INPP5D: variants seen among roughly 807,000 people sequenced by gnomAD.
The protein encoded by INPP5D is phosphatidylinositol 3,4,5-trisphosphate 5-phosphatase 1.
INPP5D carries 33 observed loss-of-function variants against 122.9 expected under a neutral mutation model. That is an observed-to-expected ratio of 0.27 (90% CI 0.20 to 0.36). The LOEUF (loss-of-function observed/expected upper bound fraction) is 0.36, where lower values mean the gene tolerates loss of function less well. Ranked by LOEUF, INPP5D falls within the 10% of genes least tolerant of loss-of-function variation. The probability of loss-of-function intolerance (pLI) is 1.00; values close to 1 mark genes in which losing one functional copy is unlikely to be tolerated. For synonymous variants in INPP5D, 584 were observed against 576.2 expected, an observed-to-expected ratio of 1.01 and a Z score of -0.19; for missense variants, 1,053 against 1,412.7, an observed-to-expected ratio of 0.75 and a Z score of 4.08.
intron 18 of INPP5D, among the ~76,000 whole-genome samples, chr2:233,181,281 T>C (rs1055759324): frequency 1.3e-5 from 2 of 152,114 alleles, no homozygotes; most frequent in African/African-American, 4.8e-5. Context: ...GGTTGAAGGG[T>C]GGAGTGTTTA....
intron 1 of INPP5D, among the ~76,000 whole-genome samples, chr2:233,062,065 G>T (rs1463203799): frequency 1.3e-5 from 2 of 152,184 alleles, no homozygotes; most frequent in African/African-American, 4.8e-5. Flanking sequence ...CCCCAGTGGG[G>T]ACCTGCTGCT....
intron 5 of INPP5D, among the ~76,000 whole-genome samples, chr2:233,131,711 C>A (rs1007496140): frequency 1.3e-5 from 2 of 152,022 alleles, no homozygotes; most frequent in African/African-American, 4.8e-5. Context: ...AATAAACAAA[C>A]AAACAAAGGA....
At position 233,170,318 on chromosome 2, in the gene INPP5D, C is replaced by G; in HGVS notation, c.1791+154C>G. Reference sequence around the variant, plus strand: ...CTCAACGCTGTTTCCATTACTGAGCCTCAGCCGCTCCTCACGGTTCCCCTG... The same window carrying G: ...CTCAACGCTGTTTCCATTACTGAGCGTCAGCCGCTCCTCACGGTTCCCCTG... On this transcript the variant is annotated intron_variant, in intron 15 of 26. Transcript: ENST00000445964. This position sits in a 1 kb window ranked among gnomAD's most constrained non-coding sequence, Gnocchi z 4.5. 2 of 1,481,860 alleles carry G rather than the reference C, an allele frequency of 1.3e-6. No individual in the cohort carries two copies. Among genetic ancestry groups the G allele is most frequent in the South Asian group, 2.7e-5 (2 of 73,776 alleles). 91.8% of individuals were successfully genotyped at this position (1,481,860 alleles called of 1,614,324 possible). A position where few individuals can be genotyped will look rare whatever the true frequency, so the allele number is the denominator to read the frequency against.
rs375111690 is a variant in INPP5D at position 233,122,112 on chromosome 2, C to A, written c.204C>A (p.Ser68=). The part of the protein sequence containing the change: ...NEDDKFTVQA[S]EGVSMRFFTK... ...TTTGGATGTTCTGTCCTCAGGCATC[C>A]GAAGGCGTCTCCATGAGGTTCTTCA... The change falls in exon 3 of 27, where the codon TCC becomes TCA. Residue 68 remains serine, a synonymous_variant. Transcript: ENST00000445964. 1.1e-5 allele frequency: 17 copies of A among 1,613,680 alleles called. No homozygotes were observed. The African/African-American group carries it at 1.3e-4, about 13-fold the overall frequency.
chr2:233,112,268 A>G (rs2106244820), intron 2 of INPP5D, among the ~76,000 whole-genome samples: 3 of 152,242 alleles, frequency 2.0e-5, no homozygotes, highest in South Asian at 4.1e-4. Flanking sequence ...TATTTATGTC[A>G]GTACAGACTC....
chr2:233,158,323 C>G lies in INPP5D; in HGVS notation c.1041C>G (p.Leu347=), dbSNP rs36127492. 0.59 allele frequency: 412,416 copies of G among 702,376 alleles called. 127,789 individuals carry two copies. The highest frequency in any genetic ancestry group is 0.98 in the East Asian group (36,584 of 37,252). The allele number at this position is 702,376 out of a possible 1,614,324, so 43.5% of individuals were successfully genotyped here. A position where few individuals can be genotyped will look rare whatever the true frequency, so the allele number is the denominator to read the frequency against. ...TTCTTTTCTCTTAAGTCCTGCAGCT[C>G]ATTAAGTCACAGAAATTTCTGAATA... ...KFYSHKKILQ[L]IKSQKFLNKL... Residue 347 remains leucine, a synonymous_variant, in exon 10 of 27, where the codon CTC becomes CTG. Coordinates refer to ENST00000445964, the MANE Select transcript of INPP5D (RefSeq NM_001017915.3).
At chr2:233,151,059 A>G (rs1461610367) in intron 9 of INPP5D, among the ~76,000 whole-genome samples, 2 of 152,174 alleles carry the variant, frequency 1.3e-5, no homozygotes, top group African/African-American at 4.8e-5. Flanking sequence ...AGAATGCCCA[A>G]GTAAGGATTG....
intron 22 of INPP5D, among the ~76,000 whole-genome samples, chr2:233,192,498 C>T (rs1029498175): frequency 1.3e-5 from 2 of 152,194 alleles, no homozygotes; most frequent in African/African-American, 4.8e-5. Flanking sequence ...ATTTTATACT[C>T]TGCTTCCCTC....
intron 2 of INPP5D, among the ~76,000 whole-genome samples, chr2:233,088,078 C>T (rs1460666594): frequency 2.0e-5 from 3 of 151,980 alleles, no homozygotes; most frequent in African/African-American, 7.3e-5. Context: ...TGGATTCAAG[C>T]GATTCTCCTG....
intron 2 of INPP5D, among the ~76,000 whole-genome samples, chr2:233,098,163 G>A (rs571250269): frequency 2.0e-5 from 3 of 152,240 alleles, no homozygotes; most frequent in Non-Finnish European, 4.4e-5. Flanking sequence ...AAAGTGCTGG[G>A]ATCACAGGGA....
At chr2:233,174,924 A>G (rs1051067538) in intron 17 of INPP5D, among the ~76,000 whole-genome samples, 12 of 152,152 alleles carry the variant, frequency 7.9e-5, no homozygotes, top group African/African-American at 2.9e-4. Flanking sequence ...TTGTTCACCA[A>G]AAATAGGTAT....
intron 2 of INPP5D, among the ~76,000 whole-genome samples, chr2:233,109,568 T>TG (rs563632271): frequency 4.9e-4 from 74 of 152,266 alleles, no homozygotes; most frequent in African/African-American, 1.7e-3. Context: ...ATGGTTTTTT[T>TG]CTTTCTTTTT....
chr2:233,065,136 A>G (rs150720903), intron 1 of INPP5D, among the ~76,000 whole-genome samples: 19 of 152,256 alleles, frequency 1.2e-4, no homozygotes, highest in African/African-American at 4.6e-4. Flanking sequence ...ATGTGAAGTG[A>G]CGCAGAGCAA....
At chr2:233,195,366 C>T (rs1181942455) in intron 23 of INPP5D, 33 bp from the exon 24 acceptor site, 1 of 1,613,472 alleles carries the variant, frequency 6.2e-7, no homozygotes, top group Admixed American at 1.7e-5. Flanking sequence ...AAGCTGGGCC[C>T]TCACATGCTC....
At chr2:233,090,053 G>T (rs942633535) in intron 2 of INPP5D, among the ~76,000 whole-genome samples, 88 of 152,336 alleles carry the variant, frequency 5.8e-4, no homozygotes, top group African/African-American at 2.1e-3. Context: ...GTCTCCCCCA[G>T]TGAGCTGTGG....
chr2:233,146,509 C>T lies in INPP5D; in HGVS notation c.906+71C>T, dbSNP rs183411514. ...TGGGCAGAGAGACATGTTCTTGTTC[C>T]TGTGGAAAGAGGGATTGGGGCTTTA... On this transcript the variant is annotated intron_variant, in intron 8 of 26. Coordinates refer to ENST00000445964, the MANE Select transcript of INPP5D (RefSeq NM_001017915.3). The T allele has an allele frequency of 1.5e-4, 106 of 701,408 alleles. No homozygotes were observed. The African/African-American group carries it at 1.7e-3, about 11-fold the overall frequency. The allele number at this position is 701,408 out of a possible 1,614,324, so 43.4% of individuals were successfully genotyped here.
intron 6 of INPP5D, among the ~76,000 whole-genome samples, chr2:233,144,388 G>T (rs1344847160): frequency 6.7e-6 from 1 of 150,368 alleles, no homozygotes; most frequent in Admixed American, 6.6e-5. Context: ...TCATGATCAC[G>T]GTGGGAGTGA....
intron 4 of INPP5D, among the ~76,000 whole-genome samples, chr2:233,126,482 A>G (rs748357430): frequency 2.0e-5 from 3 of 152,236 alleles, no homozygotes; most frequent in Admixed American, 6.5e-5. Flanking sequence ...GGACATACCC[A>G]TTGGTTCTTC....
chr2:233,202,463 G>A (rs932705172), intron 25 of INPP5D, among the ~76,000 whole-genome samples: 3 of 152,140 alleles, frequency 2.0e-5, no homozygotes, highest in African/African-American at 7.2e-5. Flanking sequence ...GGTGTGTCCC[G>A]GAGGCCAGCC....
Sources: allele counts gnomAD v4.1 joint callset (sites outside exome capture counted in the v4.1 genomes callset), GRCh38; gene constraint gnomAD v4.1.1; non-coding constraint Gnocchi (gnomAD v3.1); transcripts MANE v1.5; gene names NCBI Gene and HGNC (gene_info 2026-07-23, HGNC 2026-07-21).